The following RNF121 variants were observed in gnomAD, a reference collection of about 807,000 sequenced individuals.
RNF121 encodes ring finger protein 121.
RNF121 carries 21 observed loss-of-function variants against 46.5 expected under a neutral mutation model. That is an observed-to-expected ratio of 0.45 (90% CI 0.32 to 0.65). The LOEUF (loss-of-function observed/expected upper bound fraction) is 0.65. Ranked by LOEUF, RNF121 falls within the 30% of genes least tolerant of loss-of-function variation. The pLI, the probability that RNF121 is intolerant of heterozygous loss-of-function variation, is 0.04. For missense variants in RNF121, 346 were observed against 416.0 expected (o/e 0.83, Z 1.46); for synonymous variants, 139 against 144.7 (o/e 0.96, Z 0.28).
Position 71,995,562 on chromosome 11 carries a change from T to C in RNF121, c.863+11T>C, listed in dbSNP as rs373012213. On this transcript the variant is annotated intron_variant, in intron 8 of 8. Coordinates refer to ENST00000361756, the MANE Select transcript of RNF121 (RefSeq NM_018320.5). Reference sequence around the variant, plus strand: ...GATGTTCAGCAATCCGTATCCTTTATTGGGGTCGTTGTTGGGAGTGGGCTG... The same window carrying C: ...GATGTTCAGCAATCCGTATCCTTTACTGGGGTCGTTGTTGGGAGTGGGCTG... The C allele has an allele frequency of 1.5e-5, 24 of 1,566,020 alleles. No individual in the cohort carries two copies. The East Asian group carries it at 2.1e-4, about 14-fold the overall frequency.
chr11:71,995,424 C>G (rs1474881054), intron 7 of RNF121, 26 bp from the exon 8 acceptor site: 5 of 1,554,648 alleles, frequency 3.2e-6, no homozygotes, highest in Non-Finnish European at 4.4e-6. Context: ...TGGCTCTCAC[C>G]ATTTCCCTTG....
chr11:71,966,782 T>C (rs897531055), intron 3 of RNF121, among the ~76,000 whole-genome samples: 4 of 152,036 alleles, frequency 2.6e-5, no homozygotes, highest in Admixed American at 2.6e-4. Context: ...GCCACCACAA[T>C]TGGCCTTGCG....
intron 3 of RNF121, 24 bp downstream of exon 3, chr11:71,960,915 CTTT>C (rs887476254): frequency 3.7e-6 from 6 of 1,609,934 alleles, no homozygotes; most frequent in Non-Finnish European, 3.4e-6. Context: ...CCTCTTACTT[CTTT>C]GTCTGTCAGT....
At chr11:71,942,058 G>A (rs1257661424) in intron 1 of RNF121, among the ~76,000 whole-genome samples, 8 of 151,164 alleles carry the variant, frequency 5.3e-5, no homozygotes, top group Non-Finnish European at 7.4e-5. Context: ...TCAGCCTCCC[G>A]AGTAGCTGGG....
At chr11:71,971,765 A>G (rs1954426086) in intron 3 of RNF121, among the ~76,000 whole-genome samples, 1 of 152,232 alleles carries the variant, frequency 6.6e-6, no homozygotes, top group Non-Finnish European at 1.5e-5. Flanking sequence ...AAAAGCTAGA[A>G]AGCTGAATAG....
At chr11:71,987,398 A>C (rs1262002317) in intron 5 of RNF121, among the ~76,000 whole-genome samples, 1 of 152,188 alleles carries the variant, frequency 6.6e-6, no homozygotes, top group Admixed American at 6.5e-5. Context: ...AATTATCATA[A>C]CCTGCTATCC....
chr11:71,940,844 A>G (rs1953551478), intron 1 of RNF121, among the ~76,000 whole-genome samples: 1 of 152,230 alleles, frequency 6.6e-6, no homozygotes, highest in African/African-American at 2.4e-5. Flanking sequence ...CTTAATGGAG[A>G]AGATGTTTTG....
At chr11:71,964,874 G>C (rs1165007017) in intron 3 of RNF121, among the ~76,000 whole-genome samples, 1 of 152,160 alleles carries the variant, frequency 6.6e-6, no homozygotes. Flanking sequence ...TGGACTTCTT[G>C]AAGTCCTCCC....
intron 1 of RNF121, among the ~76,000 whole-genome samples, chr11:71,951,209 CA>C (rs35566006): frequency 4.9e-5 from 7 of 143,210 alleles, no homozygotes; most frequent in East Asian, 2.0e-4. Flanking sequence ...AACTCCGTCT[CA>C]AAAAAAAAAA....
At chr11:71,992,899 T>G (rs1348753952) in intron 6 of RNF121, among the ~76,000 whole-genome samples, 2 of 152,228 alleles carry the variant, frequency 1.3e-5, no homozygotes, top group African/African-American at 4.8e-5. Context: ...GTATGTTCTC[T>G]TTGTAATTAT....
At chr11:71,990,869 A>C (rs1383566454) in intron 6 of RNF121, 152 bp downstream of exon 6, 13 of 898,476 alleles carry the variant, frequency 1.4e-5, no homozygotes, top group Non-Finnish European at 2.2e-5. Flanking sequence ...TTCCTTCCTT[A>C]AAGTTTGGAA....
chr11:71,970,073 A>G (rs1382729515), intron 3 of RNF121, among the ~76,000 whole-genome samples: 1 of 152,222 alleles, frequency 6.6e-6, no homozygotes, highest in African/African-American at 2.4e-5. Flanking sequence ...AAATTATGTC[A>G]TGTGGTACAG....
At chr11:71,936,031 T>C (rs555208995) in intron 1 of RNF121, among the ~76,000 whole-genome samples, 1 of 151,692 alleles carries the variant, frequency 6.6e-6, no homozygotes, top group South Asian at 2.1e-4. Flanking sequence ...GTATTTTTAG[T>C]AGAGACAGGG....
At chr11:71,978,486 T>C (rs777530948) in intron 3 of RNF121, among the ~76,000 whole-genome samples, 2 of 152,250 alleles carry the variant, frequency 1.3e-5, no homozygotes, top group Non-Finnish European at 2.9e-5. Context: ...TATAACCTTA[T>C]CACTTTTCAT....
At chr11:71,967,118 G>T (rs887623132) in intron 3 of RNF121, among the ~76,000 whole-genome samples, 1 of 149,304 alleles carries the variant, frequency 6.7e-6, no homozygotes, top group Admixed American at 6.7e-5. Context: ...TGATCCACCC[G>T]CCTCGGCCTC....
Position 71,996,336 on chromosome 11 carries a change from A to G in RNF121, c.*21A>G, listed in dbSNP as rs367671346. 1.9e-6 allele frequency: 3 copies of G among 1,613,016 alleles called. No homozygotes were observed. Among genetic ancestry groups the G allele is most frequent in the Non-Finnish European group, 2.5e-6 (3 of 1,179,512 alleles). ...AATAGTGATGAAGAGCATCAGTGGA[A>G]AACCCACCCCACACGCCATGGACCT... On this transcript the variant is annotated 3_prime_UTR_variant, in exon 9 of 9. Transcript: ENST00000361756.
At chr11:71,988,024 C>T (rs577927113) in intron 5 of RNF121, among the ~76,000 whole-genome samples, 1 of 152,330 alleles carries the variant, frequency 6.6e-6, no homozygotes, top group South Asian at 2.1e-4. Flanking sequence ...GACAAGATTT[C>T]TAAGGAAACA....
intron 1 of RNF121, among the ~76,000 whole-genome samples, chr11:71,930,233 G>A (rs1565134916): frequency 1.3e-5 from 2 of 152,288 alleles, no homozygotes; most frequent in South Asian, 4.1e-4. Flanking sequence ...AGGAATAGGA[G>A]GAAGGGGATT....
intron 3 of RNF121, among the ~76,000 whole-genome samples, chr11:71,976,057 G>A (rs1468278363): frequency 1.3e-5 from 2 of 152,136 alleles, no homozygotes; most frequent in African/African-American, 2.4e-5. Context: ...GAATATGTCT[G>A]TTTATTGGGC....
Sources: allele counts gnomAD v4.1 joint callset (sites outside exome capture counted in the v4.1 genomes callset), GRCh38; gene constraint gnomAD v4.1.1; transcripts MANE v1.5; gene names NCBI Gene and HGNC (gene_info 2026-07-23, HGNC 2026-07-21).